Variants in ISM1 observed in about 807,000 individuals in gnomAD.
The protein encoded by ISM1 is isthmin-1.
In ISM1, 25 loss-of-function variants were observed where a neutral mutation model predicts 46.3. The ratio of observed to expected loss-of-function variants is 0.54; its 90% CI spans 0.39 to 0.75. The LOEUF (loss-of-function observed/expected upper bound fraction) is 0.75, where lower values mean the gene tolerates loss of function less well. Ranked by LOEUF, ISM1 falls within the 30% of genes least tolerant of loss-of-function variation. ISM1 has a pLI of 0.00. For missense variants in ISM1, 536 were observed against 625.4 expected, an observed-to-expected ratio of 0.86 and a Z score of 1.52; for synonymous variants, 255 against 256.7, an observed-to-expected ratio of 0.99 and a Z score of 0.06.
the ISM1 span, among the ~76,000 whole-genome samples, chr20:13,312,163 A>ATATGTGATATATTT: frequency 1.3e-5 from 2 of 152,222 alleles, no homozygotes; most frequent in Non-Finnish European, 2.9e-5. Flanking sequence ...TATCTTCTGT[A>ATATGTGATATATTT]TATGTGATAT....
the ISM1 span, among the ~76,000 whole-genome samples, chr20:13,321,253 T>TAAAAAAAAAAAA: frequency 2.3e-4 from 13 of 57,516 alleles, 1 homozygote; most frequent in East Asian, 4.7e-3. Context: ...GTGCCCCACA[T>TAAAAAAAAAAAA]AAAAAAAAAA....
chr20:13,280,620 C>T (rs2040229015), intron 3 of ISM1, among the ~76,000 whole-genome samples: 1 of 152,184 alleles, frequency 6.6e-6, no homozygotes, highest in Admixed American at 6.5e-5. Context: ...GAGTTATCCC[C>T]TGGATATTCT....
intron 1 of ISM1, among the ~76,000 whole-genome samples, chr20:13,234,978 G>A (rs1465245586): frequency 1.3e-5 from 2 of 152,148 alleles, no homozygotes; most frequent in Non-Finnish European, 2.9e-5. Flanking sequence ...AGAAACACTG[G>A]TCTACATGCA....
chr20:13,247,143 A>G (rs150534349), intron 1 of ISM1, among the ~76,000 whole-genome samples: 2,945 of 152,254 alleles, frequency 0.019, 38 homozygotes, highest in Non-Finnish European at 0.026. Flanking sequence ...AGGCAGGAGA[A>G]TCACTTGAAC....
chr20:13,303,684 T>C (rs1337823725), downstream of ISM1, among the ~76,000 whole-genome samples: 1 of 152,228 alleles, frequency 6.6e-6, no homozygotes, highest in African/African-American at 2.4e-5. Flanking sequence ...GTCAGACAAG[T>C]TAATACATTG....
chr20:13,250,091 A>G (rs184647203), intron 1 of ISM1, among the ~76,000 whole-genome samples: 1 of 152,192 alleles, frequency 6.6e-6, no homozygotes, highest in Non-Finnish European at 1.5e-5. Flanking sequence ...CTCTTTTTCT[A>G]CCTTAACAAA....
chr20:13,288,503 G>A (rs1248709927), intron 3 of ISM1, 37 bp from the exon 4 acceptor site: 1 of 1,605,224 alleles, frequency 6.2e-7, no homozygotes, highest in East Asian at 2.2e-5. Context: ...AGACTCTTTG[G>A]CCAAAGTTGA....
chr20:13,229,041 A>G (rs1467254209), intron 1 of ISM1, among the ~76,000 whole-genome samples: 1 of 151,936 alleles, frequency 6.6e-6, no homozygotes, highest in Non-Finnish European at 1.5e-5. Context: ...CCTAAATTCT[A>G]TAGCCTCTTT....
chr20:13,251,586 C>G (rs2039868561), intron 1 of ISM1, among the ~76,000 whole-genome samples: 1 of 152,100 alleles, frequency 6.6e-6, no homozygotes, highest in Admixed American at 6.5e-5. Flanking sequence ...AGGGGACCAG[C>G]GTGGTATGTG....
chr20:13,311,806 G>T, the ISM1 span, among the ~76,000 whole-genome samples: 2 of 152,138 alleles, frequency 1.3e-5, no homozygotes, highest in Non-Finnish European at 2.9e-5. Flanking sequence ...GTGTGGAAAG[G>T]GGAAATGTTA....
At chr20:13,226,870 A>T (rs2039531972) in intron 1 of ISM1, among the ~76,000 whole-genome samples, 1 of 152,234 alleles carries the variant, frequency 6.6e-6, no homozygotes, top group South Asian at 2.1e-4. Flanking sequence ...GACAAGAAAT[A>T]GTTTCCACTT....
intron 5 of ISM1, among the ~76,000 whole-genome samples, chr20:13,293,513 T>TC (rs1229907022): frequency 1.3e-5 from 2 of 152,136 alleles, no homozygotes; most frequent in African/African-American, 4.8e-5. Context: ...CTTTTTTTTT[T>TC]TCATAGCCCT....
intron 2 of ISM1, among the ~76,000 whole-genome samples, chr20:13,276,667 G>A (rs915344597): frequency 1.4e-5 from 2 of 143,896 alleles, no homozygotes; most frequent in African/African-American, 5.6e-5. Flanking sequence ...GACTTTGTCA[G>A]TTTGGAAATC....
chr20:13,317,968 T>C, the ISM1 span, among the ~76,000 whole-genome samples: 1 of 151,940 alleles, frequency 6.6e-6, no homozygotes, highest in Non-Finnish European at 1.5e-5. Context: ...AATTAAACTT[T>C]TTTGTTCTGT....
At chr20:13,233,241 T>C (rs1489653743) in intron 1 of ISM1, among the ~76,000 whole-genome samples, 1 of 152,092 alleles carries the variant, frequency 6.6e-6, no homozygotes, top group Non-Finnish European at 1.5e-5. Flanking sequence ...CAACATGAAT[T>C]GGAAGCCAAG....
At chr20:13,240,904 T>C (rs1026245842) in intron 1 of ISM1, among the ~76,000 whole-genome samples, 3 of 152,158 alleles carry the variant, frequency 2.0e-5, no homozygotes, top group African/African-American at 7.2e-5. Flanking sequence ...AGTGGATTTA[T>C]ATGGGACATG....
chr20:13,246,166 G>A (rs898050256), intron 1 of ISM1, among the ~76,000 whole-genome samples: 2 of 152,032 alleles, frequency 1.3e-5, no homozygotes, highest in South Asian at 2.1e-4. Flanking sequence ...CCAGCTACTC[G>A]GGAGGCTGAG....
downstream of ISM1, among the ~76,000 whole-genome samples, chr20:13,301,369 A>G (rs1216172693): frequency 6.6e-6 from 1 of 152,076 alleles, no homozygotes; most frequent in Non-Finnish European, 1.5e-5. Context: ...TTGTATTTTT[A>G]GGAGAGATAA....
At position 13,252,810 on chromosome 20, in the gene ISM1, G is replaced by A. The variant is rs1398633163; in HGVS notation, c.139-17694G>A. 2.0e-5 allele frequency among the ~76,000 whole-genome samples: 3 copies of A among 151,796 alleles called. No individual in the cohort carries two copies. In the East Asian group the frequency reaches 5.8e-4, roughly 29 times the overall value. ...CATGATGATAGTAACTTGGCCTTTG[G>A]GGCAACTGAAGGAAACTGTTTTTCT... On this transcript the variant is annotated intron_variant, in intron 1 of 5. Coordinates refer to ENST00000262487, the MANE Select transcript of ISM1 (RefSeq NM_080826.2).
Sources: gnomAD v4.1 joint callset for allele counts (sites outside exome capture counted in the v4.1 genomes callset) on GRCh38, gnomAD v4.1.1 for gene constraint, MANE v1.5 for transcripts, NCBI Gene and HGNC (gene_info 2026-07-23, HGNC 2026-07-21) for gene names.